Variants in C12orf42 observed in about 807,000 individuals in gnomAD.
The protein encoded by C12orf42 is uncharacterized protein C12orf42.
A neutral mutation model predicts 21.6 loss-of-function variants in C12orf42; 25 were observed. That is an observed-to-expected ratio of 1.16 (90% CI 0.84 to 1.62). The LOEUF (loss-of-function observed/expected upper bound fraction) is 1.62. C12orf42 is among the 40% of genes most tolerant of loss of function. The pLI is 0.00. For synonymous variants in C12orf42, 174 were observed against 175.0 expected (o/e 0.99, Z 0.05); for missense variants, 483 against 459.3 (o/e 1.05, Z -0.47).
chr12:103,330,671 G>A (rs769121951), intron 4 of C12orf42, among the ~76,000 whole-genome samples: 14 of 152,000 alleles, frequency 9.2e-5, no homozygotes, highest in Non-Finnish European at 1.8e-4. Context: ...TTATTTTTTG[G>A]TGGCCCTCTC....
chr12:103,361,555 C>T (rs1317616951), intron 4 of C12orf42, among the ~76,000 whole-genome samples: 2 of 152,092 alleles, frequency 1.3e-5, no homozygotes, highest in African/African-American at 4.8e-5. Flanking sequence ...ATCCAGTAGA[C>T]TCAACAGGCA....
chr12:103,212,831 TG>T, the C12orf42 span, among the ~76,000 whole-genome samples: 2 of 152,124 alleles, frequency 1.3e-5, no homozygotes, highest in African/African-American at 4.8e-5. Flanking sequence ...ATAGTATCTA[TG>T]ATTATTGTAG....
intron 3 of C12orf42, among the ~76,000 whole-genome samples, chr12:103,379,726 G>A (rs891765324): frequency 2.6e-5 from 4 of 152,092 alleles, no homozygotes; most frequent in Admixed American, 6.5e-5. Context: ...CCCAGGCTTC[G>A]CATTTCAGAT....
chr12:103,180,615 CTTTTTTTTTTTTTTTTTTT>C, the C12orf42 span, among the ~76,000 whole-genome samples: 1 of 61,964 alleles, frequency 1.6e-5, no homozygotes, highest in Non-Finnish European at 2.9e-5. Context: ...AAATAATTTC[CTTTTTTTTTTTTTTTTTTT>C]TTTTTTTTTT....
At chr12:103,491,153 T>C (rs1281680183) in intron 1 of C12orf42, among the ~76,000 whole-genome samples, 2 of 152,196 alleles carry the variant, frequency 1.3e-5, no homozygotes, top group East Asian at 1.9e-4. Context: ...GGCTTAGAAC[T>C]TTTTTGGGAA....
downstream of C12orf42, among the ~76,000 whole-genome samples, chr12:103,300,063 T>C (rs1025871550): frequency 2.0e-5 from 3 of 152,228 alleles, no homozygotes; most frequent in Non-Finnish European, 4.4e-5. Context: ...ATCCTTACTT[T>C]GAACCCTACA....
At chr12:103,055,409 C>T in the C12orf42 span, among the ~76,000 whole-genome samples, 1 of 151,792 alleles carries the variant, frequency 6.6e-6, no homozygotes, top group Non-Finnish European at 1.5e-5. Context: ...GATAATATCC[C>T]ATTTCATTCC....
Position 103,489,518 on chromosome 12 carries a change from G to T in C12orf42, c.-22+6384C>A, listed in dbSNP as rs567704554. On this transcript the variant is annotated intron_variant, in intron 1 of 5. Coordinates refer to ENST00000548883, the MANE Select transcript of C12orf42 (RefSeq NM_198521.5). ...GACAGGGATGTTTAAGTCTGCAGAC[G>T]TTACTGCTGCCTTTTGTTCAGCTAT... 1.6e-4 allele frequency among the ~76,000 whole-genome samples: 25 copies of T among 152,362 alleles called. No homozygotes were observed. In the East Asian group the frequency reaches 3.9e-3, roughly 23 times the overall value.
At chr12:103,383,691 G>A (rs1419035798) in intron 3 of C12orf42, among the ~76,000 whole-genome samples, 1 of 152,140 alleles carries the variant, frequency 6.6e-6, no homozygotes, top group Non-Finnish European at 1.5e-5. Flanking sequence ...ATAAACCATA[G>A]CCAACATAAA....
intron 1 of C12orf42, among the ~76,000 whole-genome samples, chr12:103,482,796 TTTC>T (rs1325657006): frequency 7.2e-5 from 11 of 152,128 alleles, no homozygotes; most frequent in African/African-American, 2.7e-4. Context: ...TTGTTTATTT[TTTC>T]TTTTTTGTCT....
intron 10 of C12orf42, among the ~76,000 whole-genome samples, chr12:103,255,412 A>G (rs1187928034): frequency 6.6e-6 from 1 of 152,156 alleles, no homozygotes; most frequent in Non-Finnish European, 1.5e-5. Flanking sequence ...GTGTGTATGT[A>G]TGCATAATTA....
upstream of C12orf42, among the ~76,000 whole-genome samples, chr12:103,500,010 G>A (rs1321617143): frequency 6.6e-6 from 1 of 152,206 alleles, no homozygotes; most frequent in South Asian, 2.1e-4. Flanking sequence ...TCCTGCATCA[G>A]AGAAAATAAT....
At chr12:103,368,038 T>A in intron 4 of C12orf42, 1 of 1,275,186 alleles carries the variant, frequency 7.8e-7, no homozygotes, top group South Asian at 1.3e-5. Context: ...CCTAAAAACT[T>A]CATTATCTCT....
chr12:103,144,669 G>A, the C12orf42 span, among the ~76,000 whole-genome samples: 1 of 152,130 alleles, frequency 6.6e-6, no homozygotes, highest in Admixed American at 6.6e-5. Context: ...AGCTTTTTAT[G>A]GGTGATATAA....
At chr12:103,281,915 A>AAAG (rs2036148047) in intron 4 of C12orf42, among the ~76,000 whole-genome samples, 2 of 141,828 alleles carry the variant, frequency 1.4e-5, no homozygotes, top group East Asian at 2.1e-4. Flanking sequence ...AGAAGAAAGA[A>AAAG]AAAGAAAGAA....
intron 2 of C12orf42, among the ~76,000 whole-genome samples, chr12:103,403,122 TC>T: frequency 6.6e-6 from 1 of 152,164 alleles, no homozygotes; most frequent in East Asian, 1.9e-4. Context: ...ACACGTGTAA[TC>T]CCAGCACTTT....
chr12:103,453,990 T>C (rs1952123406), intron 2 of C12orf42, among the ~76,000 whole-genome samples: 1 of 152,102 alleles, frequency 6.6e-6, no homozygotes, highest in East Asian at 1.9e-4. Context: ...GTTACTGTGA[T>C]ATCTCATCTA....
chr12:103,147,076 C>T, the C12orf42 span, among the ~76,000 whole-genome samples: 3 of 151,982 alleles, frequency 2.0e-5, no homozygotes, highest in Non-Finnish European at 2.9e-5. Context: ...TAAGAAGGCC[C>T]GTAAGTATAC....
chr12:103,311,907 C>T (rs985717592), intron 4 of C12orf42, among the ~76,000 whole-genome samples: 1 of 152,172 alleles, frequency 6.6e-6, no homozygotes, highest in African/African-American at 2.4e-5. Context: ...CTCAGTCACT[C>T]ATCAGAGATT....
Sources: allele counts gnomAD v4.1 joint callset (sites outside exome capture counted in the v4.1 genomes callset), GRCh38; gene constraint gnomAD v4.1.1; transcripts MANE v1.5; gene names NCBI Gene and HGNC (gene_info 2026-07-23, HGNC 2026-07-21).